SLC4A10: variants seen among roughly 807,000 people sequenced by gnomAD.
SLC4A10 encodes solute carrier family 4 member 10, also known as sodium-driven chloride bicarbonate exchanger.
Under a neutral mutation model 137.7 loss-of-function variants are expected in SLC4A10, and 42 were observed. The observed-to-expected ratio is 0.30, with a 90% CI of 0.24 to 0.39. The LOEUF (loss-of-function observed/expected upper bound fraction) is 0.39, where lower values mean the gene tolerates loss of function less well. Ranked by LOEUF, SLC4A10 falls within the 10% of genes least tolerant of loss-of-function variation. The pLI is 1.00. For missense variants in SLC4A10, 925 were observed against 1,355.0 expected (o/e 0.68, Z 4.98); for synonymous variants, 474 against 464.1 (o/e 1.02, Z -0.27).
intron 1 of SLC4A10, among the ~76,000 whole-genome samples, chr2:161,699,059 G>A (rs948429763): frequency 1.2e-4 from 18 of 151,986 alleles, no homozygotes; most frequent in East Asian, 1.9e-4. Context: ...TCGCTCTGTC[G>A]CCCAGGCTGG....
chr2:161,693,557 T>C (rs1266858304), intron 1 of SLC4A10, among the ~76,000 whole-genome samples: 1 of 151,892 alleles, frequency 6.6e-6, no homozygotes, highest in Non-Finnish European at 1.5e-5. Context: ...TGAGTTTAAT[T>C]AACAAATAAA....
intron 10 of SLC4A10, among the ~76,000 whole-genome samples, chr2:161,884,978 G>C (rs2062129203): frequency 6.6e-6 from 1 of 152,120 alleles, no homozygotes. Context: ...AGGAGTTCGA[G>C]ATCAGCCTGG....
chr2:161,660,829 T>A (rs868207378), intron 1 of SLC4A10, among the ~76,000 whole-genome samples: 52 of 150,992 alleles, frequency 3.4e-4, no homozygotes, highest in African/African-American at 1.2e-3. Context: ...AATTTTTTTT[T>A]TATTTTTATT....
chr2:161,787,194 A>T (rs191968120), intron 2 of SLC4A10, among the ~76,000 whole-genome samples: 45 of 152,180 alleles, frequency 3.0e-4, no homozygotes, highest in Admixed American at 1.4e-3. Context: ...GTTAGGCAGG[A>T]TATACAATTT....
intron 8 of SLC4A10, among the ~76,000 whole-genome samples, chr2:161,875,016 G>A (rs1355677206): frequency 1.3e-5 from 2 of 152,080 alleles, no homozygotes; most frequent in Non-Finnish European, 2.9e-5. Flanking sequence ...TGAATGTTTT[G>A]GTCTCCACTG....
intron 23 of SLC4A10, 106 bp downstream of exon 23, chr2:161,965,279 A>G (rs1697387372): frequency 6.8e-6 from 8 of 1,171,198 alleles, no homozygotes; most frequent in Non-Finnish European, 9.3e-6. Flanking sequence ...TTGTCTTTAG[A>G]CAGTGATCAC....
intron 23 of SLC4A10, among the ~76,000 whole-genome samples, chr2:161,973,329 T>A (rs971966284): frequency 2.6e-5 from 4 of 152,216 alleles, no homozygotes; most frequent in Admixed American, 6.5e-5. Flanking sequence ...TGAATAACTT[T>A]CTGTTTTTGT....
chr2:161,724,540 G>A (rs900244371), intron 1 of SLC4A10, among the ~76,000 whole-genome samples: 2 of 152,156 alleles, frequency 1.3e-5, no homozygotes, highest in African/African-American at 4.8e-5. Context: ...CTTTAGTGCA[G>A]CGTGCTATGG....
chr2:161,892,110 T>G (rs1407700795), intron 10 of SLC4A10, among the ~76,000 whole-genome samples: 1 of 152,046 alleles, frequency 6.6e-6, no homozygotes, highest in Admixed American at 6.6e-5. Context: ...TTAAACAAAT[T>G]ATGGCATCTA....
intron 2 of SLC4A10, among the ~76,000 whole-genome samples, chr2:161,796,714 G>A (rs2054811805): frequency 6.6e-6 from 1 of 151,932 alleles, no homozygotes; most frequent in Admixed American, 6.6e-5. Context: ...TTTTATCTTT[G>A]ATTTCAGATA....
intron 7 of SLC4A10, 114 bp from the exon 8 acceptor site, chr2:161,873,802 T>C (rs35292746): frequency 0.57 from 602,216 of 1,058,864 alleles, 174,121 homozygotes; most frequent in East Asian, 0.86. Flanking sequence ...AGAATCCCTC[T>C]GACAATGCCT....
At chr2:161,975,653 G>T (rs1006125000) in intron 24 of SLC4A10, among the ~76,000 whole-genome samples, 1 of 152,168 alleles carries the variant, frequency 6.6e-6, no homozygotes, top group Non-Finnish European at 1.5e-5. Flanking sequence ...AAGAGAGGGA[G>T]ACCCAAGGTT....
At chr2:161,627,365 G>A (rs1408781617) in intron 1 of SLC4A10, among the ~76,000 whole-genome samples, 2 of 152,050 alleles carry the variant, frequency 1.3e-5, no homozygotes, top group Non-Finnish European at 2.9e-5. Context: ...TTTGCAGTAT[G>A]CTTGGAGAGC....
rs116082270 is a variant in SLC4A10 at position 161,837,257 on chromosome 2, G to A, written c.278-2532G>A. 9.4e-3 allele frequency among the ~76,000 whole-genome samples: 1,429 copies of A among 152,262 alleles called. 13 individuals are homozygous for A. Among genetic ancestry groups the A allele is most frequent in the South Asian group, 0.033 (161 of 4,826 alleles). Reference sequence around the variant, plus strand: ...AATAATAAGTAAGTTTAATAAGGTTGAAGGATACAAGGTCACATGAAAATA... The same window carrying A: ...AATAATAAGTAAGTTTAATAAGGTTAAAGGATACAAGGTCACATGAAAATA... On this transcript the variant is annotated intron_variant, in intron 3 of 26. Coordinates refer to ENST00000446997, the MANE Select transcript of SLC4A10 (RefSeq NM_001178015.2).
intron 1 of SLC4A10, among the ~76,000 whole-genome samples, chr2:161,660,578 TTC>T (rs2038181145): frequency 7.7e-6 from 1 of 129,744 alleles, no homozygotes; most frequent in South Asian, 2.4e-4. Context: ...CTTTCTTTCT[TTC>T]TTTCTTTCTT....
At chr2:161,960,064 T>C (rs1458453224) in intron 21 of SLC4A10, among the ~76,000 whole-genome samples, 2 of 151,948 alleles carry the variant, frequency 1.3e-5, no homozygotes, top group Admixed American at 1.3e-4. Context: ...ACTGTGGTCC[T>C]TATAAGAAGA....
chr2:161,638,821 G>T (rs1268163259), intron 1 of SLC4A10, among the ~76,000 whole-genome samples: 2 of 151,202 alleles, frequency 1.3e-5, no homozygotes, highest in Non-Finnish European at 2.9e-5. Context: ...TTTTATTTTA[G>T]AGATCTTTCA....
chr2:161,655,359 C>T (rs2037365385), intron 1 of SLC4A10, among the ~76,000 whole-genome samples: 1 of 152,036 alleles, frequency 6.6e-6, no homozygotes, highest in Non-Finnish European at 1.5e-5. Context: ...ATTTCTTTTT[C>T]TTACCTTATT....
chr2:161,630,709 AG>A (rs1380758712), intron 1 of SLC4A10, among the ~76,000 whole-genome samples: 2 of 151,748 alleles, frequency 1.3e-5, no homozygotes, highest in African/African-American at 4.8e-5. Flanking sequence ...GAAATTAGGC[AG>A]TTTGTAAAGT....
Sources: allele counts gnomAD v4.1 joint callset (sites outside exome capture counted in the v4.1 genomes callset), GRCh38; gene constraint gnomAD v4.1.1; transcripts MANE v1.5; gene names NCBI Gene and HGNC (gene_info 2026-07-23, HGNC 2026-07-21).